VEPH1: variants seen among roughly 807,000 people sequenced by gnomAD.
The protein encoded by VEPH1 is ventricular zone-expressed PH domain-containing protein homolog 1.
A neutral mutation model predicts 85.2 loss-of-function variants in VEPH1; 80 were observed. That is an observed-to-expected ratio of 0.94 (90% CI 0.78 to 1.13). The LOEUF (loss-of-function observed/expected upper bound fraction) is 1.13, where lower values mean the gene tolerates loss of function less well. VEPH1 is among the 50% of genes most tolerant of loss of function. VEPH1 has a pLI of 0.00. For synonymous variants in VEPH1, 297 were observed against 348.0 expected (o/e 0.85, Z 1.63); for missense variants, 955 against 980.5 (o/e 0.97, Z 0.35).
At chr3:157,441,703 C>T (rs1367197658) in intron 4 of VEPH1, among the ~76,000 whole-genome samples, 1 of 151,622 alleles carries the variant, frequency 6.6e-6, no homozygotes, top group Non-Finnish European at 1.5e-5. Flanking sequence ...CCAGCTACTC[C>T]GGAAGCTGAG....
At chr3:157,391,063 C>G (rs1362729958) in intron 6 of VEPH1, among the ~76,000 whole-genome samples, 3 of 152,246 alleles carry the variant, frequency 2.0e-5, no homozygotes, top group African/African-American at 7.2e-5. Flanking sequence ...GTGCACCTGG[C>G]TTGCTGCGGC....
chr3:157,463,288 G>A (rs1215681290), intron 3 of VEPH1, among the ~76,000 whole-genome samples: 2 of 152,184 alleles, frequency 1.3e-5, no homozygotes, highest in African/African-American at 4.8e-5. Flanking sequence ...AGAGAAAATA[G>A]GTACTCCATA....
intron 13 of VEPH1, 78 bp downstream of exon 13, chr3:157,265,448 C>T: frequency 6.7e-7 from 1 of 1,487,744 alleles, no homozygotes; most frequent in South Asian, 1.3e-5. Flanking sequence ...AGAGTTTAAA[C>T]CCAAGACAAA....
At chr3:157,492,531 T>C (rs528737824) in intron 2 of VEPH1, among the ~76,000 whole-genome samples, 2 of 152,236 alleles carry the variant, frequency 1.3e-5, no homozygotes, top group African/African-American at 4.8e-5. Context: ...CTAAGATGTT[T>C]AGCTGGGATG....
intron 2 of VEPH1, among the ~76,000 whole-genome samples, chr3:157,482,987 A>G (rs2109619954): frequency 1.3e-5 from 2 of 152,218 alleles, no homozygotes; most frequent in Admixed American, 1.3e-4. Flanking sequence ...TGATATTTTT[A>G]TACATTTATT....
At chr3:157,300,805 A>G (rs1718703095) in intron 11 of VEPH1, among the ~76,000 whole-genome samples, 1 of 152,226 alleles carries the variant, frequency 6.6e-6, no homozygotes, top group African/African-American at 2.4e-5. Flanking sequence ...TGTTTAAATG[A>G]GGGGCCCTCA....
intron 9 of VEPH1, among the ~76,000 whole-genome samples, chr3:157,333,362 AG>A (rs2108611698): frequency 6.6e-6 from 1 of 152,248 alleles, no homozygotes; most frequent in African/African-American, 2.4e-5. Flanking sequence ...TTTTCCTACC[AG>A]GTACTCTTGA....
intron 9 of VEPH1, among the ~76,000 whole-genome samples, chr3:157,342,598 G>C (rs1416568781): frequency 5.3e-5 from 8 of 152,166 alleles, no homozygotes; most frequent in Non-Finnish European, 4.4e-5. Flanking sequence ...ACACTCCACT[G>C]TCAACATTAG....
rs201201714 is a variant in VEPH1 at position 157,324,579 on chromosome 3, TGTG to T, written c.1736-7381_1736-7379del. 2.8e-3 allele frequency among the ~76,000 whole-genome samples: 419 copies of T among 152,188 alleles called. 5 individuals carry two copies. The East Asian group carries it at 0.043, about 16-fold the overall frequency. On this transcript the variant is annotated intron_variant, in intron 9 of 13. Transcript: ENST00000362010. ...CAGCTCCTTTTTATACGTGAGAACA[TGTG>T]GTGTTTGGTTTCCTGTTCCTGCATT...
intron 4 of VEPH1, among the ~76,000 whole-genome samples, chr3:157,438,491 C>G (rs1038066044): frequency 4.1e-4 from 62 of 152,244 alleles, no homozygotes; most frequent in African/African-American, 1.4e-3. Context: ...GAAGGGTCAG[C>G]GGAATTCTTC....
At chr3:157,285,217 A>G (rs1716618273) in intron 12 of VEPH1, 1 of 152,226 alleles carries the variant, frequency 6.6e-6, no homozygotes, top group Non-Finnish European at 1.5e-5. Flanking sequence ...ATTTGTTTGA[A>G]TTAACTTTTA....
At chr3:157,501,655 C>T (rs192702735) in intron 1 of VEPH1, among the ~76,000 whole-genome samples, 10 of 152,236 alleles carry the variant, frequency 6.6e-5, no homozygotes, top group African/African-American at 2.2e-4. Context: ...TGGGATACTG[C>T]CTATAGAATA....
intron 4 of VEPH1, among the ~76,000 whole-genome samples, chr3:157,454,537 C>T (rs955925681): frequency 1.2e-4 from 19 of 152,212 alleles, no homozygotes; most frequent in Non-Finnish European, 2.8e-4. Context: ...GTAACCCCAA[C>T]TCCTGGGTGA....
At chr3:157,301,495 C>T (rs554150386) in intron 11 of VEPH1, among the ~76,000 whole-genome samples, 1 of 152,170 alleles carries the variant, frequency 6.6e-6, no homozygotes, top group South Asian at 2.1e-4. Flanking sequence ...CACTTACCAA[C>T]CCATTCAGCA....
At chr3:157,502,250 A>T (rs909519737) in intron 1 of VEPH1, among the ~76,000 whole-genome samples, 1 of 152,222 alleles carries the variant, frequency 6.6e-6, no homozygotes, top group African/African-American at 2.4e-5. Flanking sequence ...AAAAAAATAG[A>T]TTTGGTGACC....
intron 12 of VEPH1, chr3:157,284,845 G>A (rs1417871910): frequency 6.6e-6 from 1 of 152,122 alleles, no homozygotes; most frequent in East Asian, 1.9e-4. Context: ...ATTGCTATAT[G>A]TTCTCAGTCT....
At chr3:157,437,674 A>G in intron 4 of VEPH1, 1 of 1,537,578 alleles carries the variant, frequency 6.5e-7, no homozygotes, top group Non-Finnish European at 8.7e-7. Flanking sequence ...GCTCGCGGAA[A>G]GCCTGGCGAG....
chr3:157,443,078 T>C, intron 4 of VEPH1: 1 of 1,349,696 alleles, frequency 7.4e-7, no homozygotes, highest in Non-Finnish European at 1.0e-6. Context: ...TAGGAACACT[T>C]GAGACTAATG....
At position 157,407,421 on chromosome 3, in the gene VEPH1, T is replaced by C. The variant is rs138256639; in HGVS notation, c.906+6460A>G. ...AAAATGAGGTTTATTATTTTTGTTA[T>C]CCTTATTTCTCCCACGAATGGTGGT... On this transcript the variant is annotated intron_variant, in intron 6 of 13. Coordinates refer to ENST00000362010, the MANE Select transcript of VEPH1 (RefSeq NM_001167912.2). Among the ~76,000 whole-genome samples, 178 of 152,292 alleles carry C rather than the reference T, an allele frequency of 1.2e-3. No homozygotes were observed. The Middle Eastern group carries it at 0.031, about 26-fold the overall frequency.
Sources: gnomAD v4.1 joint callset for allele counts (sites outside exome capture counted in the v4.1 genomes callset) on GRCh38, gnomAD v4.1.1 for gene constraint, MANE v1.5 for transcripts, NCBI Gene and HGNC (gene_info 2026-07-23, HGNC 2026-07-21) for gene names.